PTK2B: variants seen among roughly 807,000 people sequenced by gnomAD.
PTK2B encodes protein-tyrosine kinase 2-beta.
Under a neutral mutation model 142.9 loss-of-function variants are expected in PTK2B, and 71 were observed. The observed-to-expected ratio is 0.50, with a 90% confidence interval of 0.41 to 0.61. PTK2B has a LOEUF of 0.61. Among genes scored for constraint, PTK2B ranks in the 20% least tolerant of loss-of-function variants. The pLI is 0.00. For synonymous variants in PTK2B, 519 were observed against 503.4 expected (o/e 1.03, Z -0.42); for missense variants, 1,105 against 1,320.4 (o/e 0.84, Z 2.53).
chr8:27,397,343 AC>A, intron 1 of PTK2B: 1 of 540,864 alleles, frequency 1.8e-6, no homozygotes. Context: ...TGGGTTTCAT[AC>A]CTGGATGCTT....
At chr8:27,442,794 T>C in intron 21 of PTK2B, 81 bp from the exon 22 acceptor site, 2 of 1,265,622 alleles carry the variant, frequency 1.6e-6, no homozygotes, top group African/African-American at 3.0e-5. Context: ...TCTCTGGGCC[T>C]CCACGAAGTA....
intron 27 of PTK2B, chr8:27,451,780 T>A: frequency 7.6e-7 from 1 of 1,317,262 alleles, no homozygotes; most frequent in Non-Finnish European, 9.7e-7. Context: ...TGCATTAGTT[T>A]GGAGGAGCTG....
intron 23 of PTK2B, among the ~76,000 whole-genome samples, 172 bp from the exon 24 acceptor site, chr8:27,445,620 ATC>A (rs1290552081): frequency 1.3e-5 from 2 of 152,086 alleles, no homozygotes; most frequent in Non-Finnish European, 2.9e-5. Context: ...CTGCTCCACC[ATC>A]TCTCTCGGAG....
rs756648352 is a variant in PTK2B at position 27,422,393 on chromosome 8, C to T, written c.551+10C>T. The T allele has an allele frequency of 3.1e-6, 5 of 1,604,888 alleles. No homozygotes were observed. The South Asian group carries it at 5.6e-5, about 18-fold the overall frequency. On this transcript the variant is annotated intron_variant, in intron 5 of 30. Transcript: ENST00000346049. The stretch of plus-strand genomic sequence containing the variant: ...GCTGCCTGGAGCTCAGGTATGTGGC[C>T]CTGAGGCCTCTGCTGGGAGGGCGCT...
chr8:27,353,549 GCTCT>G (rs941041995), intron 1 of PTK2B, among the ~76,000 whole-genome samples: 35 of 132,202 alleles, frequency 2.6e-4, no homozygotes, highest in African/African-American at 8.6e-4. Context: ...ATGCATGCTC[GCTCT>G]CTCTCTAACA....
At chr8:27,318,855 C>T (rs1157471486) in intron 3 of PTK2B, among the ~76,000 whole-genome samples, 3 of 152,010 alleles carry the variant, frequency 2.0e-5, no homozygotes, top group Non-Finnish European at 4.4e-5. Flanking sequence ...TTCACCATGT[C>T]GGCCAGGCTG....
chr8:27,331,208 G>T (rs1168292660), intron 1 of PTK2B, among the ~76,000 whole-genome samples: 1 of 152,124 alleles, frequency 6.6e-6, no homozygotes, highest in Admixed American at 6.5e-5. Context: ...CCCAATAATT[G>T]TGGGGGCAGA....
chr8:27,450,845 A>C lies in PTK2B; in HGVS notation c.2437A>C (p.Lys813Gln), dbSNP rs1245752948. The C allele has an allele frequency of 6.2e-7, 1 of 1,614,086 alleles. No individual in the cohort carries two copies. Among genetic ancestry groups the C allele is most frequent in the African/African-American group, 1.3e-5 (1 of 74,942 alleles). ...GCGGCAAATCCTGGACAAACAGCAG[A>C]AGCAGATGGTGGAGGACTACCAGTG... The part of the protein sequence containing the change: ...KMRQILDKQQ[K>Q]QMVEDYQWLR... Residue 813 changes from lysine (K) to glutamine (Q), a missense_variant, in exon 25 of 31, where the codon AAG (lysine) becomes CAG (glutamine). Coordinates refer to ENST00000346049, the MANE Select transcript of PTK2B (RefSeq NM_173176.3).
In PTK2B at chr8:27,437,125, G is replaced by A. The variant is rs1810828559; in HGVS notation, c.1345G>A (p.Gly449Arg). 3.1e-6 allele frequency: 5 copies of A among 1,613,358 alleles called. No homozygotes were observed. Among genetic ancestry groups the A allele is most frequent in the Non-Finnish European group, 4.2e-6 (5 of 1,179,448 alleles). ...VYEGVYTNHK[G>R]EKINVAVKTC... The stretch of plus-strand genomic sequence containing the variant: ...CCTGAACACACTCTTGTTACAGAAA[G>A]GGGAGAAAATCAATGTAGCTGTCAA... Residue 449 changes from glycine to arginine, a missense_variant, in exon 16 of 31, where the codon GGG (glycine) becomes AGG (arginine). Coordinates refer to ENST00000346049, the MANE Select transcript of PTK2B (RefSeq NM_173176.3).
chr8:27,387,819 T>A (rs915871847), intron 1 of PTK2B, among the ~76,000 whole-genome samples: 6 of 54,090 alleles, frequency 1.1e-4, no homozygotes, highest in Admixed American at 4.3e-4. Flanking sequence ...GGGGAAGGCT[T>A]TTTTTTTTTT....
intron 1 of PTK2B, among the ~76,000 whole-genome samples, chr8:27,371,954 A>G (rs1226663562): frequency 2.0e-5 from 3 of 152,222 alleles, no homozygotes; most frequent in Admixed American, 6.5e-5. Context: ...ATGGCCTGGG[A>G]AGTACCAATA....
chr8:27,395,702 C>T (rs1446929978), intron 1 of PTK2B, among the ~76,000 whole-genome samples: 2 of 152,174 alleles, frequency 1.3e-5, no homozygotes, highest in East Asian at 1.9e-4. Flanking sequence ...TGGGTGGGGT[C>T]CATTCTTTCC....
chr8:27,422,703 A>C (rs1809838775), intron 5 of PTK2B, among the ~76,000 whole-genome samples: 1 of 152,160 alleles, frequency 6.6e-6, no homozygotes, highest in African/African-American at 2.4e-5. Flanking sequence ...ATGTTTCTTG[A>C]GCACCAGACT....
At chr8:27,445,041 G>A (rs999491265) in intron 23 of PTK2B, among the ~76,000 whole-genome samples, 6 of 151,806 alleles carry the variant, frequency 4.0e-5, no homozygotes, top group Admixed American at 2.0e-4. Flanking sequence ...TGGAAAAATC[G>A]TTCTGAAAAA....
intron 1 of PTK2B, among the ~76,000 whole-genome samples, chr8:27,347,356 A>G (rs1408353152): frequency 6.6e-6 from 1 of 152,148 alleles, no homozygotes; most frequent in African/African-American, 2.4e-5. Flanking sequence ...GCCTCCCAAA[A>G]TGTTGGGATT....
At chr8:27,439,542 C>T (rs1189107643) in intron 20 of PTK2B, 144 bp downstream of exon 20, 7 of 925,848 alleles carry the variant, frequency 7.6e-6, no homozygotes, top group Admixed American at 2.1e-5. Flanking sequence ...TGAGAAGTCT[C>T]AGAGGTGGGG....
Position 27,443,683 on chromosome 8 carries a change from A to T in PTK2B, c.2149-523A>T, listed in dbSNP as rs1359859331. Among the ~76,000 whole-genome samples, 4 of 152,102 alleles carry T rather than the reference A, an allele frequency of 2.6e-5. No individual in the cohort carries two copies. In the South Asian group the frequency reaches 6.2e-4, roughly 24 times the overall value. ...CAAAAACCTGCACTTCCTTAATGCT[A>T]TCACATTGGGGGTTCAGGCTTCAAC... On this transcript the variant is annotated intron_variant, in intron 22 of 30. Transcript: ENST00000346049.
intron 26 of PTK2B, 48 bp downstream of exon 26, chr8:27,451,126 G>T (rs1421532847): frequency 1.9e-6 from 3 of 1,587,730 alleles, no homozygotes; most frequent in Non-Finnish European, 2.6e-6. Context: ...GCCTGGGAAG[G>T]CCTCGCCCAC....
chr8:27,412,056 A>G (rs980609602), intron 2 of PTK2B, among the ~76,000 whole-genome samples: 1 of 152,258 alleles, frequency 6.6e-6, no homozygotes, highest in Non-Finnish European at 1.5e-5. Flanking sequence ...ATATCCTCAC[A>G]AGGCTTTGCC....
Sources: gnomAD v4.1 joint callset for allele counts (sites outside exome capture counted in the v4.1 genomes callset) on GRCh38, gnomAD v4.1.1 for gene constraint, MANE v1.5 for transcripts, NCBI Gene and HGNC (gene_info 2026-07-23, HGNC 2026-07-21) for gene names.